RP1: variants seen among roughly 807,000 people sequenced by gnomAD.
The protein encoded by RP1 is oxygen-regulated protein 1.
RP1 carries 16 observed loss-of-function variants against 14.8 expected under a neutral mutation model. That is an observed-to-expected ratio of 1.08 (90% CI 0.73 to 1.65). The LOEUF (loss-of-function observed/expected upper bound fraction) is 1.65. RP1 is among the 40% of genes most tolerant of loss of function. The pLI, the probability that RP1 is intolerant of heterozygous loss-of-function variation, is 0.00. For missense variants in RP1, 2,631 were observed against 2,535.0 expected, an observed-to-expected ratio of 1.04 and a Z score of -0.81; for synonymous variants, 876 against 883.6, an observed-to-expected ratio of 0.99 and a Z score of 0.15.
chr8:54,756,980 T>C (rs1004156854), intron 21 of RP1, among the ~76,000 whole-genome samples: 1 of 152,208 alleles, frequency 6.6e-6, no homozygotes, highest in African/African-American at 2.4e-5. Flanking sequence ...AATCAGTGTA[T>C]AAAGAAGAGT....
chr8:54,608,431 G>T (rs2129308740), intron 1 of RP1, among the ~76,000 whole-genome samples: 1 of 152,252 alleles, frequency 6.6e-6, no homozygotes, highest in Middle Eastern at 3.4e-3. Context: ...TCTGTTTTCA[G>T]TCTAGGCAGT....
exon 22 of RP1, chr8:54,759,029 A>G: frequency 1.3e-6 from 2 of 1,535,758 alleles, no homozygotes; most frequent in Non-Finnish European, 1.7e-6. Flanking sequence ...AACAAGTCAT[A>G]GTCAGAGAGC....
At chr8:54,869,290 T>C (rs1812526557) in intron 28 of RP1, among the ~76,000 whole-genome samples, 1 of 152,212 alleles carries the variant, frequency 6.6e-6, no homozygotes, top group South Asian at 2.1e-4. Context: ...AGGTATAAGA[T>C]ACATTCCAGA....
At chr8:54,683,295 G>T (rs1165988170) in intron 12 of RP1, among the ~76,000 whole-genome samples, 2 of 152,076 alleles carry the variant, frequency 1.3e-5, no homozygotes, top group African/African-American at 2.4e-5. Flanking sequence ...CTCATCTTTG[G>T]TTCCATATGA....
downstream of RP1, chr8:54,770,069 A>G (rs750270881): frequency 2.2e-6 from 1 of 447,810 alleles, no homozygotes; most frequent in Non-Finnish European, 3.9e-6. Context: ...TTTCCCACTT[A>G]CAATGTCATC....
intron 1 of RP1, among the ~76,000 whole-genome samples, chr8:54,565,713 T>TG (rs1384347380): frequency 6.6e-6 from 1 of 151,982 alleles, no homozygotes; most frequent in Non-Finnish European, 1.5e-5. Flanking sequence ...GAGCGGGGAT[T>TG]GGGGGGATCT....
At chr8:54,562,304 T>A (rs1188929588) in intron 1 of RP1, among the ~76,000 whole-genome samples, 1 of 152,256 alleles carries the variant, frequency 6.6e-6, no homozygotes, top group African/African-American at 2.4e-5. Flanking sequence ...ATGATTCACA[T>A]CTGAAGCTAT....
chr8:54,703,156 G>A lies in RP1; in HGVS notation c.1998+1494G>A, dbSNP rs188882207. On this transcript the variant is annotated intron_variant, in intron 14 of 22. Transcript: ENST00000636932. The stretch of plus-strand genomic sequence containing the variant: ...TGTTCTTAATGGCATCTAGAATGGT[G>A]AATCTTTTCCAAAAGGTATTCAGTG... Among the ~76,000 whole-genome samples the A allele has an allele frequency of 3.3e-5, 5 of 152,262 alleles. No individual in the cohort carries two copies. The East Asian group carries it at 9.6e-4, about 29-fold the overall frequency.
intron 18 of RP1, among the ~76,000 whole-genome samples, chr8:54,738,606 T>C (rs1808995739): frequency 6.6e-6 from 1 of 152,146 alleles, no homozygotes; most frequent in South Asian, 2.1e-4. Flanking sequence ...TACAAGCCCA[T>C]CTTTCTGTCA....
intron 24 of RP1, among the ~76,000 whole-genome samples, chr8:54,824,424 A>G (rs182535857): frequency 1.5e-4 from 23 of 152,344 alleles, no homozygotes; most frequent in African/African-American, 5.3e-4. Flanking sequence ...TTTTTAATTT[A>G]GAAACTCCCA....
At chr8:54,598,823 C>T (rs1004733755) in intron 1 of RP1, among the ~76,000 whole-genome samples, 7 of 152,146 alleles carry the variant, frequency 4.6e-5, no homozygotes, top group Admixed American at 1.3e-4. Flanking sequence ...GATGAGAAGT[C>T]GGCTGTCATT....
At chr8:54,783,041 A>T (rs1368223708) in intron 23 of RP1, among the ~76,000 whole-genome samples, 1 of 151,948 alleles carries the variant, frequency 6.6e-6, no homozygotes, top group Non-Finnish European at 1.5e-5. Context: ...AACTCCAGCA[A>T]TTTTTCATGA....
At chr8:54,733,739 G>A (rs939306201) in intron 17 of RP1, among the ~76,000 whole-genome samples, 1 of 152,182 alleles carries the variant, frequency 6.6e-6, no homozygotes, top group African/African-American at 2.4e-5. Context: ...GAATTAAAGT[G>A]CATTTGGGGT....
chr8:54,864,547 C>G (rs1812418558), intron 27 of RP1, among the ~76,000 whole-genome samples: 1 of 152,108 alleles, frequency 6.6e-6, no homozygotes, highest in African/African-American at 2.4e-5. Context: ...GTTTACAGAT[C>G]ATCAAGCAGT....
In RP1 at chr8:54,622,289, G is replaced by A; in HGVS notation, c.787+1G>A. On this transcript the variant is annotated splice_donor_variant, in intron 3 of 3. Coordinates refer to ENST00000220676, the MANE Select transcript of RP1 (RefSeq NM_006269.2). LOFTEE classifies it high-confidence loss of function. ...AATGCAAAGTCAGAAAGCAGAAAGA[G>A]TAAGTCACTTATTAATATATAGCCC... The A allele has an allele frequency of 1.9e-6, 3 of 1,613,920 alleles. No homozygotes were observed. Among genetic ancestry groups the A allele is most frequent in the South Asian group, 1.1e-5 (1 of 91,078 alleles).
chr8:54,775,943 G>A (rs1243386571), intron 23 of RP1, among the ~76,000 whole-genome samples: 1 of 152,192 alleles, frequency 6.6e-6, no homozygotes. Context: ...GGAATTGTTA[G>A]CAAATGCAGT....
chr8:54,699,527 G>A lies in RP1; in HGVS notation c.1778G>A (p.Arg593Lys), dbSNP rs1378794397. 3.5e-6 allele frequency: 5 copies of A among 1,410,934 alleles called. No individual in the cohort carries two copies. In the Admixed American group the frequency reaches 1.1e-4, roughly 31 times the overall value. 87.4% of individuals were successfully genotyped at this position (1,410,934 alleles called of 1,614,324 possible). Residue 593 changes from arginine to lysine, a missense_variant, in exon 13 of 23, where the codon AGG becomes AAG. Transcript: ENST00000636932. ...TGCATTTTCCAAAGTCATGAGATGA[G>A]GCATCTTTCTCTTGCTCTTGACAAT...
At chr8:54,856,919 A>G (rs1325539260) in intron 26 of RP1, 4 of 352,978 alleles carry the variant, frequency 1.1e-5, no homozygotes, top group Non-Finnish European at 2.0e-5. Context: ...TAGTAGTAGT[A>G]AGAATACTAT....
rs182103878 is a variant in RP1, at chr8:54,621,828, A to G, written c.615+247A>G. 7.9e-5 allele frequency among the ~76,000 whole-genome samples: 12 copies of G among 152,238 alleles called. No homozygotes were observed. The East Asian group carries it at 2.1e-3, about 27-fold the overall frequency. On this transcript the variant is annotated intron_variant, in intron 2 of 3. Transcript: ENST00000220676. ...GCCCTGAGTTACATAATGTTTTCAC[A>G]TGGAATCCAATCTTGATAATATTTT...
Sources: gnomAD v4.1 joint callset for allele counts (sites outside exome capture counted in the v4.1 genomes callset) on GRCh38, gnomAD v4.1.1 for gene constraint, MANE v1.5 for transcripts, NCBI Gene and HGNC (gene_info 2026-07-23, HGNC 2026-07-21) for gene names.